ACACA: variants seen among roughly 807,000 people sequenced by gnomAD.
ACACA encodes the protein acetyl-CoA carboxylase alpha, also known as acetyl-CoA carboxylase 1.
ACACA carries 103 observed loss-of-function variants against 296.1 expected under a neutral mutation model. The observed-to-expected ratio is 0.35, with a 90% CI of 0.30 to 0.41. ACACA has a LOEUF of 0.41. Ranked by LOEUF, ACACA falls within the 10% of genes least tolerant of loss-of-function variation. ACACA has a pLI of 1.00. For missense variants in ACACA, 1,554 were observed against 2,989.7 expected (o/e 0.52, Z 11.20); for synonymous variants, 953 against 1,038.6 (o/e 0.92, Z 1.58).
chr17:37,166,029 A>G (rs2076652741), intron 41 of ACACA, among the ~76,000 whole-genome samples: 1 of 152,192 alleles, frequency 6.6e-6, no homozygotes, highest in Admixed American at 6.5e-5. Context: ...CTTTTGGCTT[A>G]CCATCTTGAA....
intron 5 of ACACA, among the ~76,000 whole-genome samples, chr17:37,282,910 C>T (rs774851397): frequency 2.6e-5 from 4 of 152,120 alleles, no homozygotes; most frequent in Non-Finnish European, 5.9e-5. Context: ...CAATATAACG[C>T]ATAAGGAAAA....
chr17:37,151,263 C>G, intron 44 of ACACA, 38 bp downstream of exon 44: 1 of 1,612,912 alleles, frequency 6.2e-7, no homozygotes, highest in Non-Finnish European at 8.5e-7. Context: ...AGCCACACAG[C>G]CAGTTCTTCA....
chr17:37,289,601 C>T (rs2082949282), intron 3 of ACACA: 4 of 837,858 alleles, frequency 4.8e-6, no homozygotes, highest in Non-Finnish European at 7.2e-6. Flanking sequence ...TTTTCCATTA[C>T]CCCATATACA....
chr17:37,381,105 A>G (rs2050234756), intron 1 of ACACA, among the ~76,000 whole-genome samples: 1 of 152,038 alleles, frequency 6.6e-6, no homozygotes, highest in South Asian at 2.1e-4. Context: ...AAAAACATAA[A>G]TGGTAACATA....
chr17:37,152,107 T>A (rs1434933623), intron 43 of ACACA, among the ~76,000 whole-genome samples: 1 of 152,144 alleles, frequency 6.6e-6, no homozygotes, highest in African/African-American at 2.4e-5. Context: ...GCAGATAGAT[T>A]TAAATCCTTG....
At chr17:37,400,440 A>G (rs11868780) in intron 1 of ACACA, among the ~76,000 whole-genome samples, 16,760 of 151,834 alleles carry the variant, frequency 0.11, 1,320 homozygotes, top group African/African-American at 0.22. Context: ...ATTTTTAACT[A>G]TAGTCACCAT....
chr17:37,271,797 C>T (rs2082084300), intron 9 of ACACA, among the ~76,000 whole-genome samples: 1 of 151,812 alleles, frequency 6.6e-6, no homozygotes, highest in Non-Finnish European at 1.5e-5. Context: ...TGGTGAAACC[C>T]CTGGCCCTAT....
Position 37,381,794 on chromosome 17 carries a change from A to AT in ACACA, c.38+24467dup, listed in dbSNP as rs570842986. Among the ~76,000 whole-genome samples, 20 of 151,510 alleles carry AT rather than the reference A, an allele frequency of 1.3e-4. No individual in the cohort carries two copies. In the East Asian group the frequency reaches 1.6e-3, roughly 12 times the overall value. Reference sequence around the variant, plus strand: ...AGGCACTCGCCACCACACCCAGTTAATTTTTTGTATTTTTGGTAGAGATGG... The same window carrying AT: ...AGGCACTCGCCACCACACCCAGTTAATTTTTTTGTATTTTTGGTAGAGATGG... On this transcript the variant is annotated intron_variant, in intron 1 of 55. Coordinates refer to ENST00000616317, the MANE Select transcript of ACACA (RefSeq NM_198834.3).
chr17:37,310,855 G>A (rs1028466850), intron 3 of ACACA, among the ~76,000 whole-genome samples: 5 of 146,458 alleles, frequency 3.4e-5, no homozygotes, highest in Non-Finnish European at 6.0e-5. Context: ...AGAAGGACCA[G>A]AACCAAGCAA....
At position 37,087,281 on chromosome 17, in the gene ACACA, C is replaced by CCAGAGA. The variant is rs1478170520; in HGVS notation, c.*29_*34dup. 2 of 1,613,604 alleles carry CCAGAGA rather than the reference C, an allele frequency of 1.2e-6. No homozygotes were observed. The highest frequency in any genetic ancestry group is 1.7e-6 in the Non-Finnish European group (2 of 1,179,978). Reference sequence around the variant, plus strand: ...TAAAAGGCAGCTCTAGCCCTTTTCTCCAGAGACAGGGCAGGGACAGGCAGG... The same window carrying CCAGAGA: ...TAAAAGGCAGCTCTAGCCCTTTTCTCCAGAGACAGAGACAGGGCAGGGACAGGCAGG... On this transcript the variant is annotated 3_prime_UTR_variant, in exon 56 of 56. Coordinates refer to ENST00000616317, the MANE Select transcript of ACACA (RefSeq NM_198834.3).
intron 27 of ACACA, 55 bp from the exon 28 acceptor site, chr17:37,223,656 T>C: frequency 2.3e-6 from 3 of 1,287,090 alleles, no homozygotes; most frequent in Non-Finnish European, 3.4e-6. Flanking sequence ...ACAATTTCAA[T>C]GGACACTATT....
chr17:37,257,703 G>T lies in ACACA; in HGVS notation c.1826C>A (p.Ser609Ter). Residue 609 changes from serine to a stop codon, truncating the protein, a stop_gained and splice_region_variant, in exon 14 of 56, where the codon TCA becomes TAA. Coordinates refer to ENST00000616317, the MANE Select transcript of ACACA (RefSeq NM_198834.3). LOFTEE classifies it high-confidence loss of function. ...SWGENREEAI[S>*]NMVVALKELS... ...TGCAATCAAATGCTATTATACTCACGAAATTGCCTCTTCTCTGTTTTCTCC... is the reference window on the plus strand; with the variant it reads ...TGCAATCAAATGCTATTATACTCACTAAATTGCCTCTTCTCTGTTTTCTCC... 1 of 1,613,826 alleles carries T rather than the reference G, an allele frequency of 6.2e-7. No homozygotes were observed. The highest frequency in any genetic ancestry group is 8.5e-7 in the Non-Finnish European group (1 of 1,179,956).
intron 8 of ACACA, among the ~76,000 whole-genome samples, chr17:37,274,967 T>C (rs894047971): frequency 2.7e-5 from 4 of 146,626 alleles, no homozygotes; most frequent in African/African-American, 5.3e-5. Flanking sequence ...CTGTTCCCAG[T>C]GCTTGAGTAC....
At chr17:37,216,140 A>C (rs1304449420) in intron 29 of ACACA, among the ~76,000 whole-genome samples, 1 of 135,052 alleles carries the variant, frequency 7.4e-6, no homozygotes, top group Non-Finnish European at 1.6e-5. Flanking sequence ...ACACACACAC[A>C]CACACACACA....
chr17:37,332,562 G>C (rs1403287843), intron 2 of ACACA, among the ~76,000 whole-genome samples: 1 of 147,074 alleles, frequency 6.8e-6, no homozygotes, highest in Admixed American at 6.9e-5. Flanking sequence ...TTTGAGTCCA[G>C]GAGTTCAAGA....
intron 2 of ACACA, among the ~76,000 whole-genome samples, chr17:37,333,957 G>C (rs1038940005): frequency 9.2e-5 from 14 of 151,978 alleles, no homozygotes; most frequent in African/African-American, 3.4e-4. Context: ...ATAATTCCCA[G>C]ATTCGGACTT....
At chr17:37,258,140 T>C in intron 13 of ACACA, 72 bp downstream of exon 13, 1 of 1,542,278 alleles carries the variant, frequency 6.5e-7, no homozygotes, top group Non-Finnish European at 8.9e-7. Context: ...ATTTCAGAAG[T>C]ATACTTTCAG....
At chr17:37,179,471 T>G in intron 40 of ACACA, 65 bp from the exon 41 acceptor site, 1 of 1,565,306 alleles carries the variant, frequency 6.4e-7, no homozygotes, top group South Asian at 1.1e-5. Context: ...AAATAATTAT[T>G]AAGATTCAGT....
At chr17:37,358,392 G>T (rs997655922) in intron 1 of ACACA, among the ~76,000 whole-genome samples, 6 of 152,170 alleles carry the variant, frequency 3.9e-5, no homozygotes. Flanking sequence ...GTAACAAAAG[G>T]CATGTACATT....
Sources: allele counts gnomAD v4.1 joint callset (sites outside exome capture counted in the v4.1 genomes callset), GRCh38; gene constraint gnomAD v4.1.1; transcripts MANE v1.5; gene names NCBI Gene and HGNC (gene_info 2026-07-23, HGNC 2026-07-21).